Variants in PTPRT observed in about 807,000 individuals in gnomAD.
PTPRT encodes protein tyrosine phosphatase receptor type T, also known as receptor-type tyrosine-protein phosphatase T.
A neutral mutation model predicts 176.8 loss-of-function variants in PTPRT; 56 were observed. The observed-to-expected ratio is 0.32, with a 90% CI of 0.26 to 0.40. PTPRT has a LOEUF of 0.40. PTPRT is among the 10% of genes least tolerant of loss of function. PTPRT has a pLI of 1.00. For synonymous variants in PTPRT, 783 were observed against 739.0 expected, an observed-to-expected ratio of 1.06 and a Z score of -0.96; for missense variants, 1,540 against 1,908.2, an observed-to-expected ratio of 0.81 and a Z score of 3.60.
chr20:42,449,237 A>G (rs2070784356), intron 8 of PTPRT, among the ~76,000 whole-genome samples: 1 of 152,148 alleles, frequency 6.6e-6, no homozygotes, highest in Non-Finnish European at 1.5e-5. Flanking sequence ...ATGCATAATA[A>G]CTATTTGTTG....
intron 7 of PTPRT, among the ~76,000 whole-genome samples, chr20:42,604,874 C>T (rs934969940): frequency 1.3e-5 from 2 of 152,184 alleles, no homozygotes; most frequent in Non-Finnish European, 2.9e-5. Flanking sequence ...GACCCAGGCC[C>T]CCCTTGAGGC....
chr20:42,519,824 G>A (rs2072138469), intron 7 of PTPRT, among the ~76,000 whole-genome samples: 1 of 151,834 alleles, frequency 6.6e-6, no homozygotes. Flanking sequence ...TTATATGCTT[G>A]GTTTACAAAT....
rs17809327 is a variant in PTPRT, at chr20:42,551,201, C to T, written c.1154-78639G>A. On this transcript the variant is annotated intron_variant, in intron 7 of 30. Transcript: ENST00000373187. ...GTTTTATGGATTTATGCATATTAGA[C>T]GTTTTAAGGCATTAATCCTGGTGTA... is the stretch of plus-strand genomic sequence containing the variant. 6.4e-3 allele frequency among the ~76,000 whole-genome samples: 976 copies of T among 152,146 alleles called. 9 individuals carry two copies. Among genetic ancestry groups the T allele is most frequent in the Non-Finnish European group, 0.011 (734 of 67,986 alleles).
chr20:42,959,120 G>T (rs1263550258), intron 1 of PTPRT, among the ~76,000 whole-genome samples: 1 of 152,240 alleles, frequency 6.6e-6, no homozygotes, highest in African/African-American at 2.4e-5. Flanking sequence ...CCCAAAACTG[G>T]ACTACTTGGG....
intron 1 of PTPRT, among the ~76,000 whole-genome samples, chr20:42,915,746 C>T (rs1228033650): frequency 6.6e-6 from 1 of 152,062 alleles, no homozygotes. Context: ...AGCACACCAC[C>T]ACACACAGCT....
At chr20:42,515,220 C>T (rs1477918893) in intron 7 of PTPRT, among the ~76,000 whole-genome samples, 2 of 152,200 alleles carry the variant, frequency 1.3e-5, no homozygotes, top group Non-Finnish European at 1.5e-5. Flanking sequence ...CATGGTGGCT[C>T]ATGCCTGTAA....
intron 1 of PTPRT, among the ~76,000 whole-genome samples, chr20:43,166,300 C>A (rs1600765182): frequency 1.3e-5 from 2 of 151,854 alleles, no homozygotes; most frequent in South Asian, 4.2e-4. Context: ...GCACTCCAAC[C>A]CCGGGCGACA....
intron 1 of PTPRT, among the ~76,000 whole-genome samples, chr20:43,093,012 T>C (rs1302933245): frequency 6.6e-6 from 1 of 152,038 alleles, no homozygotes; most frequent in African/African-American, 2.4e-5. Flanking sequence ...AAGCTAAATA[T>C]AGAGAAAAAA....
chr20:42,884,462 T>G (rs923006402), intron 2 of PTPRT, among the ~76,000 whole-genome samples: 2 of 152,118 alleles, frequency 1.3e-5, no homozygotes, highest in Non-Finnish European at 2.9e-5. Context: ...TTTAGTAGCA[T>G]CCTGGAAAAC....
intron 1 of PTPRT, among the ~76,000 whole-genome samples, chr20:43,156,072 TC>T (rs1225967167): frequency 6.6e-6 from 1 of 152,200 alleles, no homozygotes; most frequent in African/African-American, 2.4e-5. Context: ...ACATTGAACT[TC>T]CCTGAAATTG....
At chr20:42,361,296 A>G (rs2058428723) in intron 9 of PTPRT, among the ~76,000 whole-genome samples, 1 of 152,194 alleles carries the variant, frequency 6.6e-6, no homozygotes, top group Non-Finnish European at 1.5e-5. Flanking sequence ...AAGGTCTTGT[A>G]TCTGGGCCTG....
At chr20:42,155,115 C>T (rs992863437) in intron 17 of PTPRT, among the ~76,000 whole-genome samples, 4 of 152,134 alleles carry the variant, frequency 2.6e-5, no homozygotes, top group African/African-American at 9.7e-5. Context: ...GTATATATCC[C>T]ACCCCCAGTG....
chr20:42,853,982 C>T (rs2078519997), intron 2 of PTPRT, among the ~76,000 whole-genome samples: 1 of 152,180 alleles, frequency 6.6e-6, no homozygotes, highest in Non-Finnish European at 1.5e-5. Flanking sequence ...CACCCATTAT[C>T]AAATCACATA....
rs761753552 is a variant in PTPRT, at chr20:42,448,206, A to G, written c.1560+14T>C. The G allele has an allele frequency of 6.3e-6, 10 of 1,581,854 alleles. No homozygotes were observed. The highest frequency in any genetic ancestry group is 8.7e-6 in the Non-Finnish European group (10 of 1,150,950). On this transcript the variant is annotated intron_variant, in intron 9 of 30. Coordinates refer to ENST00000373187, the MANE Select transcript of PTPRT (RefSeq NM_007050.6). Reference sequence around the variant, plus strand: ...AAGCTAAGCCAATGGATGCAGCACAAGGGACCTCCTTACCTCGTAGAGCGT... The same window carrying G: ...AAGCTAAGCCAATGGATGCAGCACAGGGGACCTCCTTACCTCGTAGAGCGT...
chr20:42,715,536 T>C (rs886383165), intron 6 of PTPRT, among the ~76,000 whole-genome samples: 11 of 152,178 alleles, frequency 7.2e-5, no homozygotes, highest in African/African-American at 1.2e-4. Flanking sequence ...CTGGGGTTAG[T>C]AGCAGTGCAG....
chr20:42,656,778 C>T (rs1200826245), intron 7 of PTPRT, among the ~76,000 whole-genome samples: 2 of 152,170 alleles, frequency 1.3e-5, no homozygotes, highest in Non-Finnish European at 2.9e-5. Context: ...AGGATGAAAT[C>T]AATTGTACAT....
intron 19 of PTPRT, among the ~76,000 whole-genome samples, chr20:42,128,462 C>T (rs996911683): frequency 3.3e-5 from 5 of 151,814 alleles, no homozygotes; most frequent in Admixed American, 6.6e-5. Context: ...AATGGCCATG[C>T]GTTTATGTGA....
chr20:42,110,254 G>A (rs1458207718), intron 23 of PTPRT, 79 bp downstream of exon 23: 21 of 1,356,960 alleles, frequency 1.5e-5, no homozygotes, highest in South Asian at 7.9e-5. Flanking sequence ...GTTTCACCAC[G>A]TTGGCCAGGC....
chr20:42,884,402 T>C (rs536462971), intron 2 of PTPRT, among the ~76,000 whole-genome samples: 3 of 152,232 alleles, frequency 2.0e-5, no homozygotes, highest in South Asian at 2.1e-4. Context: ...TCAAAGTGAA[T>C]GAGGCCACAC....
Sources: allele counts gnomAD v4.1 joint callset (sites outside exome capture counted in the v4.1 genomes callset), GRCh38; gene constraint gnomAD v4.1.1; transcripts MANE v1.5; gene names NCBI Gene and HGNC (gene_info 2026-07-23, HGNC 2026-07-21).